Variants in ATP2B3 observed in about 807,000 individuals in gnomAD.
The protein encoded by ATP2B3 is plasma membrane calcium-transporting ATPase 3.
In ATP2B3, 12 loss-of-function variants were observed where a neutral mutation model predicts 70.8. That is an observed-to-expected ratio of 0.17 (90% CI 0.11 to 0.27). The LOEUF is 0.27. Ranked by LOEUF, ATP2B3 falls within the 10% of genes least tolerant of loss-of-function variation. ATP2B3 has a pLI of 1.00. For missense variants in ATP2B3, 858 were observed against 1,118.5 expected (o/e 0.77, Z 3.32); for synonymous variants, 460 against 497.8 (o/e 0.92, Z 1.01).
At position 153,543,126 on chromosome X, in the gene ATP2B3, C is replaced by T. The variant is rs1043114877; in HGVS notation, c.874C>T (p.Leu292Phe). The change falls in exon 7 of 22, where the codon CTT becomes TTT. Residue 292 changes from leucine to phenylalanine, a missense_variant. By Grantham distance (22) the Leu-to-Phe change is conservative. Coordinates refer to ENST00000263519, the MANE Select transcript of ATP2B3 (RefSeq NM_001001344.3). ...CCAGACAGGCATCATCTTCACGCTG[C>T]TTGGAGCTGGCGGAGAGGAGGAAGA... ...NSQTGIIFTL[L>F]GAGGEEEEKK... 1 of 1,210,889 alleles carries T rather than the reference C, an allele frequency of 8.3e-7. No individual in the cohort carries two copies. Among genetic ancestry groups the T allele is most frequent in the African/African-American group, 1.7e-5 (1 of 57,602 alleles).
intron 16 of ATP2B3, 45 bp from the exon 17 acceptor site, chrX:153,558,067 G>C: frequency 8.7e-7 from 1 of 1,144,335 alleles, no homozygotes; most frequent in Non-Finnish European, 1.2e-6. Flanking sequence ...CTGGGGAAGG[G>C]GCCCCCACAA....
chrX:153,566,913 G>A (rs1285033735), intron 21 of ATP2B3, among the ~76,000 whole-genome samples: 3 of 112,099 alleles, frequency 2.7e-5, no homozygotes, highest in African/African-American at 9.7e-5. Flanking sequence ...CAGAGACCAC[G>A]ATCACGCAGG....
chrX:153,570,617 C>A (rs1217565279), intron 21 of ATP2B3, among the ~76,000 whole-genome samples: 1 of 112,134 alleles, frequency 8.9e-6, no homozygotes, highest in Non-Finnish European at 1.9e-5. Context: ...GTGGGCCCAG[C>A]CAGGCAGCCT....
chrX:153,534,582 T>C (rs1335114526), intron 2 of ATP2B3, among the ~76,000 whole-genome samples: 1 of 112,517 alleles, frequency 8.9e-6, no homozygotes, highest in Non-Finnish European at 1.9e-5. Context: ...TTGAAACTTG[T>C]TGAGCACCTG....
At position 153,580,474 on chromosome X, in the gene ATP2B3, A is replaced by AG; in HGVS notation, c.*179dup. On this transcript the variant is annotated 3_prime_UTR_variant, in exon 22 of 22. Transcript: ENST00000263519. ...TGCAAGGACCCAAATCCATTCAACAAGGGTGCAGCCTGCCACAGGCTCCTC... is the reference window on the plus strand; with the variant it reads ...TGCAAGGACCCAAATCCATTCAACAAGGGGTGCAGCCTGCCACAGGCTCCTC... 1 of 456,240 alleles carries AG rather than the reference A, an allele frequency of 2.2e-6. No homozygotes were observed. The highest frequency in any genetic ancestry group is 3.7e-6 in the Non-Finnish European group (1 of 273,007). 37.6% of individuals were successfully genotyped at this position (456,240 alleles called of 1,213,427 possible). A position where few individuals can be genotyped will look rare whatever the true frequency, so the allele number is the denominator to read the frequency against.
At chrX:153,533,036 C>T (rs1350999409) in intron 2 of ATP2B3, 1 of 111,585 alleles carries the variant, frequency 9.0e-6, no homozygotes, top group Non-Finnish European at 1.9e-5. Flanking sequence ...CAGAGCACCC[C>T]GACCCCACCC....
intron 13 of ATP2B3, among the ~76,000 whole-genome samples, chrX:153,555,356 C>A (rs997502140): frequency 9.0e-6 from 1 of 110,537 alleles, no homozygotes; most frequent in African/African-American, 3.3e-5. Flanking sequence ...CCAGGCCTGG[C>A]GGCTCGGCCA....
chrX:153,531,244 C>T (rs1437419781), intron 2 of ATP2B3, among the ~76,000 whole-genome samples: 2 of 113,235 alleles, frequency 1.8e-5, no homozygotes, highest in African/African-American at 3.2e-5. Flanking sequence ...AGACTGGGCG[C>T]CCTCCTTCCG....
intron 3 of ATP2B3, among the ~76,000 whole-genome samples, chrX:153,539,435 G>A (rs1379789851): frequency 7.1e-5 from 8 of 112,554 alleles, no homozygotes; most frequent in African/African-American, 2.6e-4. Flanking sequence ...TTGTGCGGGC[G>A]GCAGCTTCTG....
chrX:153,547,156 G>A (rs1176738935), intron 8 of ATP2B3, among the ~76,000 whole-genome samples: 6 of 111,417 alleles, frequency 5.4e-5, no homozygotes, highest in South Asian at 3.8e-4. Flanking sequence ...ACTCTGGGCC[G>A]TGGAGTGGGT....
At chrX:153,542,833 T>C (rs2090307457) in intron 6 of ATP2B3, among the ~76,000 whole-genome samples, 1 of 113,259 alleles carries the variant, frequency 8.8e-6, no homozygotes, top group Non-Finnish European at 1.9e-5. Flanking sequence ...GGAAACGTAG[T>C]GTGAAACGGG....
chrX:153,555,900 A>G, intron 13 of ATP2B3, 149 bp from the exon 14 acceptor site: 1 of 617,889 alleles, frequency 1.6e-6, no homozygotes, highest in Admixed American at 2.8e-5. Context: ...AGGCTAACAC[A>G]AGTGTTCTGA....
intron 3 of ATP2B3, among the ~76,000 whole-genome samples, chrX:153,539,600 T>G (rs1374499688): frequency 9.7e-5 from 11 of 113,280 alleles, no homozygotes; most frequent in African/African-American, 3.5e-4. Flanking sequence ...ATCCCGTCCC[T>G]GCAGCAGATG....
chrX:153,570,846 T>C (rs1033749285), intron 21 of ATP2B3, among the ~76,000 whole-genome samples: 43 of 110,066 alleles, frequency 3.9e-4, no homozygotes, highest in Non-Finnish European at 7.2e-4. Context: ...GCTTGATTGC[T>C]TTTCTTTTCC....
intron 20 of ATP2B3, among the ~76,000 whole-genome samples, chrX:153,564,448 A>G (rs1261710773): frequency 8.9e-6 from 1 of 112,628 alleles, no homozygotes; most frequent in Non-Finnish European, 1.9e-5. Context: ...CCCCTGCCCC[A>G]CTGAGCCATG....
chrX:153,570,752 C>T lies in ATP2B3; in HGVS notation c.3342+5649C>T, dbSNP rs782035070. 1.9e-4 allele frequency among the ~76,000 whole-genome samples: 21 copies of T among 111,498 alleles called. No homozygotes were observed. The East Asian group carries it at 4.2e-3, about 23-fold the overall frequency. ...CTTTCCTTCTAGCAAGCCCCCGAAG[C>T]GCTCCCCTCTGCCAACACGAACACG... is the stretch of plus-strand genomic sequence containing the variant. On this transcript the variant is annotated intron_variant, in intron 21 of 21. Transcript: ENST00000263519.
chrX:153,549,488 C>T lies in ATP2B3; in HGVS notation c.1339-9C>T. 2 of 1,211,238 alleles carry T rather than the reference C, an allele frequency of 1.7e-6. No individual in the cohort carries two copies. The highest frequency in any genetic ancestry group is 2.2e-6 in the Non-Finnish European group (2 of 895,105). ...CTGGGCCAAATGCCCACACCCTCGC[C>T]CTTTGCAGAAAATGATGAAAGACAA... On this transcript the variant is annotated splice_polypyrimidine_tract_variant and intron_variant, in intron 10 of 21. Coordinates refer to ENST00000263519, the MANE Select transcript of ATP2B3 (RefSeq NM_001001344.3).
intron 12 of ATP2B3, among the ~76,000 whole-genome samples, chrX:153,550,901 T>C (rs1315012290): frequency 8.9e-6 from 1 of 111,825 alleles, no homozygotes; most frequent in African/African-American, 3.3e-5. Context: ...CAGCCCGAAC[T>C]TCCATTCTTT....
At chrX:153,518,397 G>C (rs781903907) in intron 1 of ATP2B3, among the ~76,000 whole-genome samples, 35 bp from the exon 2 acceptor site, 28 of 113,046 alleles carry the variant, frequency 2.5e-4, no homozygotes, top group Admixed American at 7.4e-4. Flanking sequence ...GAAGCCGCCC[G>C]GGGCCGCACT....
Sources: allele counts gnomAD v4.1 joint callset (sites outside exome capture counted in the v4.1 genomes callset), GRCh38; gene constraint gnomAD v4.1.1; transcripts MANE v1.5; gene names NCBI Gene and HGNC (gene_info 2026-07-23, HGNC 2026-07-21).